The following USP6 variants were observed in gnomAD, a reference collection of about 807,000 sequenced individuals.
USP6 encodes the protein ubiquitin carboxyl-terminal hydrolase 6.
In USP6, 128 loss-of-function variants were observed where a neutral mutation model predicts 175.7. The observed-to-expected ratio is 0.73, with a 90% CI of 0.63 to 0.84. The LOEUF (loss-of-function observed/expected upper bound fraction) is 0.84. Ranked by LOEUF, USP6 falls within the 40% of genes least tolerant of loss-of-function variation. The pLI is 0.00. For missense variants in USP6, 1,498 were observed against 1,760.3 expected (o/e 0.85, Z 2.67); for synonymous variants, 562 against 630.6 (o/e 0.89, Z 1.63).
At chr17:5,145,950 T>C (rs553470971) in intron 27 of USP6, 73 bp from the exon 28 acceptor site, 18 of 1,475,694 alleles carry the variant, frequency 1.2e-5, no homozygotes, top group Admixed American at 4.7e-5. Context: ...AGGTCAGATA[T>C]ATCTGTACAC....
chr17:5,148,461 G>C (rs1598052445), intron 29 of USP6, 95 bp from the exon 30 acceptor site: 9 of 1,416,304 alleles, frequency 6.4e-6, no homozygotes, highest in African/African-American at 5.7e-5. Context: ...TGTGTTAAGA[G>C]ACTACACTGT....
chr17:5,136,768 G>GC (rs1567785836), intron 18 of USP6, 34 bp downstream of exon 18: 9 of 1,607,824 alleles, frequency 5.6e-6, no homozygotes, highest in Middle Eastern at 2.1e-4. Context: ...CTTCTCAGAG[G>GC]CCCTGCCTCC....
intron 29 of USP6, 72 bp downstream of exon 29, chr17:5,147,266 A>T (rs1040574922): frequency 4.2e-6 from 6 of 1,440,572 alleles, no homozygotes. Context: ...CATCTTTTTT[A>T]TATTTGTTCA....
rs1395109388 is a variant in USP6, at chr17:5,127,601, C to T, written c.-376C>T. The T allele has an allele frequency of 2.0e-5, 3 of 152,208 alleles. No homozygotes were observed. Among genetic ancestry groups the T allele is most frequent in the Admixed American group, 2.0e-4 (3 of 15,286 alleles). The allele number at this position is 152,208 out of a possible 1,614,324, so 9.4% of individuals were successfully genotyped here. A position where few individuals can be genotyped will look rare whatever the true frequency, so the allele number is the denominator to read the frequency against. On this transcript the variant is annotated 5_prime_UTR_variant, in exon 7 of 38. Transcript: ENST00000574788. ...AGTCCAGGGAGATGTCCCTGTGTGT[C>T]CTGAACTGGGCCCTTCCTCCAGTGA...
At chr17:5,133,115 G>T in intron 13 of USP6, 125 bp downstream of exon 13, 3 of 1,169,866 alleles carry the variant, frequency 2.6e-6, no homozygotes, top group East Asian at 2.4e-5. Context: ...TCGCCCAGAG[G>T]ACTGCAGGCC....
At chr17:5,122,617 C>T (rs1272771638) in intron 4 of USP6, among the ~76,000 whole-genome samples, 2 of 152,196 alleles carry the variant, frequency 1.3e-5, no homozygotes, top group East Asian at 3.8e-4. Context: ...CGCTGCGGGG[C>T]CCTCCCGGAA....
At chr17:5,142,362 A>C (rs529151263) in intron 24 of USP6, 35 bp from the exon 25 acceptor site, 73 of 1,598,064 alleles carry the variant, frequency 4.6e-5, no homozygotes, top group Non-Finnish European at 6.2e-5. Context: ...ATTTATGAGA[A>C]TCTTTGGCAA....
chr17:5,153,198 A>G (rs888124911), intron 30 of USP6, among the ~76,000 whole-genome samples: 2 of 152,232 alleles, frequency 1.3e-5, no homozygotes, highest in Non-Finnish European at 2.9e-5. Context: ...GAGGAAGCAA[A>G]TGGGAGGCTT....
At position 5,127,591 on chromosome 17, in the gene USP6, C is replaced by T. The variant is rs2072933131; in HGVS notation, c.-386C>T. 6.6e-6 allele frequency: 1 copy of T among 152,180 alleles called. No individual in the cohort carries two copies. Among genetic ancestry groups the T allele is most frequent in the African/African-American group, 2.4e-5 (1 of 41,422 alleles). 9.4% of individuals were successfully genotyped at this position (152,180 alleles called of 1,614,324 possible). ...AATGGACAGCAGTCCAGGGAGATGT[C>T]CCTGTGTGTCCTGAACTGGGCCCTT... On this transcript the variant is annotated 5_prime_UTR_variant, in exon 7 of 38. Transcript: ENST00000574788.
At chr17:5,150,120 C>T (rs1317528065) in intron 30 of USP6, among the ~76,000 whole-genome samples, 1 of 151,768 alleles carries the variant, frequency 6.6e-6, no homozygotes. Context: ...GGTGAAACCC[C>T]GTCTCTATTA....
intron 28 of USP6, 23 bp downstream of exon 28, chr17:5,146,197 A>G: frequency 6.3e-7 from 1 of 1,580,792 alleles, no homozygotes; most frequent in South Asian, 1.2e-5. Flanking sequence ...ACTCTAAGAA[A>G]CTTTTGATTC....
chr17:5,173,370 T>A lies in USP6; in HGVS notation c.*392T>A. ...GAAAAAACAAACAATTATAATGTTG[T>A]CTAGGGACGACATGATACGCTACCT... is the stretch of plus-strand genomic sequence containing the variant. On this transcript the variant is annotated 3_prime_UTR_variant, in exon 38 of 38. Coordinates refer to ENST00000574788, the MANE Select transcript of USP6 (RefSeq NM_001304284.2). The A allele has an allele frequency of 4.3e-6, 1 of 232,490 alleles. No homozygotes were observed. The highest frequency in any genetic ancestry group is 1.7e-4 in the South Asian group (1 of 5,748). 14.4% of individuals were successfully genotyped at this position (232,490 alleles called of 1,614,324 possible). A position where few individuals can be genotyped will look rare whatever the true frequency, so the allele number is the denominator to read the frequency against.
intron 30 of USP6, among the ~76,000 whole-genome samples, chr17:5,151,622 A>T (rs2073775471): frequency 6.6e-6 from 1 of 152,258 alleles, no homozygotes; most frequent in Admixed American, 6.5e-5. Context: ...GATACTTAAA[A>T]TAATGTCACA....
intron 22 of USP6, among the ~76,000 whole-genome samples, chr17:5,140,807 C>T (rs1416281275): frequency 6.6e-6 from 1 of 152,178 alleles, no homozygotes; most frequent in African/African-American, 2.4e-5. Context: ...ATTACTCATA[C>T]ACAAGGGTAG....
At chr17:5,159,396 T>G in intron 31 of USP6, among the ~76,000 whole-genome samples, 1 of 152,184 alleles carries the variant, frequency 6.6e-6, no homozygotes, top group East Asian at 1.9e-4. Context: ...ACCAAGTTAC[T>G]GTTGTATTAA....
intron 31 of USP6, among the ~76,000 whole-genome samples, chr17:5,156,537 C>A (rs2073888897): frequency 1.3e-5 from 2 of 152,078 alleles, no homozygotes; most frequent in African/African-American, 4.8e-5. Context: ...AATTCCCAAC[C>A]TCAGGTGATC....
rs1057186694 is a variant in USP6 at position 5,131,414 on chromosome 17, C to T, written c.155+730C>T. 3.3e-5 allele frequency among the ~76,000 whole-genome samples: 5 copies of T among 151,044 alleles called. 1 individual carries two copies. The Middle Eastern group carries it at 0.01, about 317-fold the overall frequency. Reference sequence around the variant, plus strand: ...ATAAGGTGGGAGGGAGCTTATGAGGCGTGCCACTTCTGAAACACAGGGTGT... The same window carrying T: ...ATAAGGTGGGAGGGAGCTTATGAGGTGTGCCACTTCTGAAACACAGGGTGT... On this transcript the variant is annotated intron_variant, in intron 11 of 37. Transcript: ENST00000574788.
chr17:5,132,685 G>A lies in USP6; in HGVS notation c.196-225G>A, dbSNP rs1324208914. On this transcript the variant is annotated intron_variant, in intron 12 of 37. Transcript: ENST00000574788. This position sits in a 1 kb window ranked among gnomAD's most constrained non-coding sequence, Gnocchi z 4.7. The stretch of plus-strand genomic sequence containing the variant: ...TGTCAGGACCCCACCTAGAGGCTGG[G>A]ACCTAAGACTGGTGTGTCTGTGGCC... Among the ~76,000 whole-genome samples, 2 of 152,182 alleles carry A rather than the reference G, an allele frequency of 1.3e-5. No homozygotes were observed. The highest frequency in any genetic ancestry group is 2.9e-5 in the Non-Finnish European group (2 of 68,022).
intron 1 of USP6, among the ~76,000 whole-genome samples, chr17:5,117,369 A>T (rs950510002): frequency 1.3e-4 from 20 of 152,238 alleles, no homozygotes; most frequent in Non-Finnish European, 2.5e-4. Context: ...TACAAAAATT[A>T]GCCGGGTGTG....
Sources: allele counts gnomAD v4.1 joint callset (sites outside exome capture counted in the v4.1 genomes callset), GRCh38; gene constraint gnomAD v4.1.1; non-coding constraint Gnocchi (gnomAD v3.1); transcripts MANE v1.5; gene names NCBI Gene and HGNC (gene_info 2026-07-23, HGNC 2026-07-21).